PTPRO: variants seen among roughly 807,000 people sequenced by gnomAD.
PTPRO encodes receptor-type tyrosine-protein phosphatase O.
A neutral mutation model predicts 145.2 loss-of-function variants in PTPRO; 62 were observed. The observed-to-expected ratio is 0.43, with a 90% confidence interval of 0.35 to 0.53. The LOEUF (loss-of-function observed/expected upper bound fraction) is 0.53, where lower values mean the gene tolerates loss of function less well. PTPRO is among the 20% of genes least tolerant of loss of function. PTPRO has a pLI of 0.01. For missense variants in PTPRO, 1,345 were observed against 1,482.7 expected, an observed-to-expected ratio of 0.91 and a Z score of 1.53; for synonymous variants, 565 against 514.7, an observed-to-expected ratio of 1.10 and a Z score of -1.32.
intron 1 of PTPRO, among the ~76,000 whole-genome samples, chr12:15,446,198 G>C (rs1385788585): frequency 2.6e-5 from 4 of 151,972 alleles, no homozygotes; most frequent in Non-Finnish European, 5.9e-5. Flanking sequence ...AAATGTTGGG[G>C]GTTTGTTTTT....
intron 4 of PTPRO, 119 bp downstream of exon 4, chr12:15,499,713 T>C (rs1942179179): frequency 9.0e-7 from 1 of 1,115,046 alleles, no homozygotes. Flanking sequence ...ATATATATGT[T>C]TAATAACCTA....
At chr12:15,342,798 G>A (rs532833399) in intron 1 of PTPRO, among the ~76,000 whole-genome samples, 95 of 152,286 alleles carry the variant, frequency 6.2e-4, no homozygotes, top group Admixed American at 1.2e-3. Context: ...TTCTTAGTAT[G>A]TCAAGCTGTT....
Position 15,549,108 on chromosome 12 carries a change from T to G in PTPRO, c.2319T>G (p.Val773=). 1 of 1,613,550 alleles carries G rather than the reference T, an allele frequency of 6.2e-7. No homozygotes were observed. Among genetic ancestry groups the G allele is most frequent in the Non-Finnish European group, 8.5e-7 (1 of 1,179,622 alleles). The change falls in exon 14 of 27, where the codon GTT becomes GTG. Residue 773 remains valine (V), a synonymous_variant. Transcript: ENST00000281171. The stretch of plus-strand genomic sequence containing the variant: ...TGAAACCCCAGGAACCAGTTGCTGT[T>G]TCTTCCCATGTCGTGACCATCTCCA... The part of the protein sequence containing the change: ...QKTKLQEPVA[V]SSHVVTISSL...
intron 12 of PTPRO, among the ~76,000 whole-genome samples, chr12:15,538,285 T>G (rs550007176): frequency 6.6e-6 from 1 of 151,648 alleles, no homozygotes; most frequent in Non-Finnish European, 1.5e-5. Flanking sequence ...CAGGCTGGAG[T>G]GCAGTCTCTG....
At chr12:15,430,152 G>A (rs1468363630) in intron 1 of PTPRO, among the ~76,000 whole-genome samples, 1 of 151,616 alleles carries the variant, frequency 6.6e-6, no homozygotes, top group Non-Finnish European at 1.5e-5. Context: ...GATTTGAGAG[G>A]TTTTTGCACA....
chr12:15,503,624 T>A (rs909768815), intron 5 of PTPRO, among the ~76,000 whole-genome samples: 1 of 152,172 alleles, frequency 6.6e-6, no homozygotes, highest in African/African-American at 2.4e-5. Context: ...TTTGTACACA[T>A]AATTTTGTTG....
intron 15 of PTPRO, among the ~76,000 whole-genome samples, chr12:15,554,131 C>T (rs897458431): frequency 3.3e-5 from 5 of 152,082 alleles, no homozygotes; most frequent in Admixed American, 1.3e-4. Context: ...GCCGAGATTG[C>T]GCCATTGCAC....
chr12:15,372,245 G>A (rs529717571), intron 1 of PTPRO, among the ~76,000 whole-genome samples: 9 of 152,144 alleles, frequency 5.9e-5, no homozygotes, highest in Non-Finnish European at 1.0e-4. Context: ...AGCATGTAGG[G>A]GTGCAGTTCA....
chr12:15,383,403 A>G (rs551611020), intron 1 of PTPRO, among the ~76,000 whole-genome samples: 1 of 152,242 alleles, frequency 6.6e-6, no homozygotes, highest in African/African-American at 2.4e-5. Context: ...TTTCTTGGCT[A>G]TCATGACTAA....
At chr12:15,479,740 T>C (rs1941737351) in intron 1 of PTPRO, among the ~76,000 whole-genome samples, 1 of 152,164 alleles carries the variant, frequency 6.6e-6, no homozygotes, top group African/African-American at 2.4e-5. Flanking sequence ...ATGCCATCAG[T>C]ACTGAGTAGC....
chr12:15,335,968 T>C (rs769603437), intron 1 of PTPRO, among the ~76,000 whole-genome samples: 10 of 152,164 alleles, frequency 6.6e-5, no homozygotes. Context: ...CTTTACTATA[T>C]GGCTGCTTAT....
chr12:15,517,393 G>A (rs79217105), intron 9 of PTPRO, among the ~76,000 whole-genome samples: 1 of 152,168 alleles, frequency 6.6e-6, no homozygotes, highest in Non-Finnish European at 1.5e-5. Flanking sequence ...AATTCAAGAT[G>A]AGATTTGGGT....
chr12:15,438,442 G>A (rs1278750797), intron 1 of PTPRO, among the ~76,000 whole-genome samples: 4 of 151,890 alleles, frequency 2.6e-5, no homozygotes. Flanking sequence ...AGACAAGGTT[G>A]AAAATCAACA....
chr12:15,323,342 C>T lies in PTPRO; in HGVS notation c.75+541C>T, dbSNP rs538630728. On this transcript the variant is annotated intron_variant, in intron 1 of 26. Transcript: ENST00000281171. ...AGAGAGCTTGGTAAGGATTCCTCTC[C>T]CCAACTCCTATCAACATCTTTACAA... Among the ~76,000 whole-genome samples, 102 of 152,208 alleles carry T rather than the reference C, an allele frequency of 6.7e-4. 1 individual carries two copies. In the South Asian group the frequency reaches 0.019, roughly 28 times the overall value.
At position 15,515,557 on chromosome 12, in the gene PTPRO, A is replaced by C; in HGVS notation, c.1524A>C (p.Val508=). 1.9e-6 allele frequency: 3 copies of C among 1,613,986 alleles called. No individual in the cohort carries two copies. Among genetic ancestry groups the C allele is most frequent in the Non-Finnish European group, 2.5e-6 (3 of 1,179,926 alleles). Reference sequence around the variant, plus strand: ...TTCCTGGTGCCCAGTACCAGGTTGTAATATACCTAAGGAAAGGCCCTTTGA... The same window carrying C: ...TTCCTGGTGCCCAGTACCAGGTTGTCATATACCTAAGGAAAGGCCCTTTGA... ...NLVPGAQYQV[V]IYLRKGPLIG... Residue 508 remains valine, a synonymous_variant, in exon 8 of 27, where the codon GTA becomes GTC. Coordinates refer to ENST00000281171, the MANE Select transcript of PTPRO (RefSeq NM_030667.3).
intron 7 of PTPRO, among the ~76,000 whole-genome samples, chr12:15,512,119 T>C (rs1385357838): frequency 1.3e-5 from 2 of 152,074 alleles, no homozygotes; most frequent in Admixed American, 6.5e-5. Flanking sequence ...TTGTTTGTTT[T>C]TGGGGGGGTT....
intron 1 of PTPRO, among the ~76,000 whole-genome samples, chr12:15,351,385 C>T (rs569632674): frequency 5.6e-4 from 85 of 152,142 alleles, no homozygotes; most frequent in Non-Finnish European, 1.1e-3. Context: ...CAGCAAGACT[C>T]CTGCCTCCCT....
chr12:15,440,082 G>A (rs1300009021), intron 1 of PTPRO: 37 of 632,426 alleles, frequency 5.9e-5, no homozygotes, highest in African/African-American at 5.4e-5. Context: ...GTGACAGACC[G>A]CTGCAGCTCT....
intron 3 of PTPRO, among the ~76,000 whole-genome samples, chr12:15,497,876 T>G (rs1453082245): frequency 6.6e-6 from 1 of 152,214 alleles, no homozygotes; most frequent in East Asian, 1.9e-4. Flanking sequence ...AAAATTAGTT[T>G]CGCTTTTTCA....
Sources: gnomAD v4.1 joint callset for allele counts (sites outside exome capture counted in the v4.1 genomes callset) on GRCh38, gnomAD v4.1.1 for gene constraint, MANE v1.5 for transcripts, NCBI Gene and HGNC (gene_info 2026-07-23, HGNC 2026-07-21) for gene names.